The following SENP7 variants were observed in gnomAD, a reference collection of about 807,000 sequenced individuals.
The protein encoded by SENP7 is SUMO specific peptidase 7, also known as sentrin-specific protease 7.
In SENP7, 64 loss-of-function variants were observed where a neutral mutation model predicts 141.2. The ratio of observed to expected loss-of-function variants is 0.45; its 90% confidence interval spans 0.37 to 0.56. The LOEUF is 0.56. Among genes scored for constraint, SENP7 ranks in the 20% least tolerant of loss-of-function variants. The pLI is 0.00. For missense variants in SENP7, 1,025 were observed against 1,212.2 expected, an observed-to-expected ratio of 0.85 and a Z score of 2.29; for synonymous variants, 382 against 426.4, an observed-to-expected ratio of 0.90 and a Z score of 1.28.
chr3:101,483,093 G>A (rs2064566071), intron 3 of SENP7, among the ~76,000 whole-genome samples: 2 of 152,146 alleles, frequency 1.3e-5, no homozygotes, highest in Admixed American at 1.3e-4. Context: ...CCATTACTGA[G>A]TATATGTCCA....
chr3:101,414,415 T>G, intron 5 of SENP7: 2 of 1,117,342 alleles, frequency 1.8e-6, no homozygotes, highest in East Asian at 4.7e-5. Context: ...AGCCCAGGCT[T>G]TGGTCACCAG....
At chr3:101,498,780 C>T (rs897552832) in intron 2 of SENP7, among the ~76,000 whole-genome samples, 1 of 152,274 alleles carries the variant, frequency 6.6e-6, no homozygotes, top group Admixed American at 6.5e-5. Flanking sequence ...ACTACCCCTC[C>T]TGTCAGATCA....
At chr3:101,420,873 G>A (rs1021896697) in intron 4 of SENP7, among the ~76,000 whole-genome samples, 17 of 152,120 alleles carry the variant, frequency 1.1e-4, no homozygotes, top group Admixed American at 1.1e-3. Context: ...AAAGGGCAGA[G>A]CAGGTGGGAA....
At chr3:101,506,462 T>C (rs2065614010) in intron 1 of SENP7, among the ~76,000 whole-genome samples, 1 of 152,188 alleles carries the variant, frequency 6.6e-6, no homozygotes, top group African/African-American at 2.4e-5. Flanking sequence ...ATTTGAGGAA[T>C]CCAAATAACT....
intron 19 of SENP7, among the ~76,000 whole-genome samples, chr3:101,330,950 G>A (rs186076535): frequency 8.2e-4 from 124 of 152,090 alleles, no homozygotes; most frequent in African/African-American, 2.2e-3. Context: ...ATTTACTTTA[G>A]ATTTTGGCTT....
Position 101,367,927 on chromosome 3 carries a change from T to C in SENP7, c.881A>G (p.Glu294Gly). Residue 294 changes from glutamate (E) to glycine (G), a missense_variant, in exon 8 of 24, where the codon GAA (glutamate) becomes GGA (glycine). Around this residue, in one of 4 missense-constraint regions of SENP7, gnomAD observed 496 missense variants for 503.5 expected, o/e 0.99. Coordinates refer to ENST00000394095, the MANE Select transcript of SENP7 (RefSeq NM_020654.5). ...TGTCTTCCTGGAAATCAGAGTGAGTTCCACTTTTGAATCAGAATATTTAAC... is the reference window on the plus strand; with the variant it reads ...TGTCTTCCTGGAAATCAGAGTGAGTCCCACTTTTGAATCAGAATATTTAAC... ...KDVKYSDSKV[E>G]LTLISRKTKR... 4.3e-6 allele frequency: 7 copies of C among 1,612,388 alleles called. No homozygotes were observed. The highest frequency in any genetic ancestry group is 5.9e-6 in the Non-Finnish European group (7 of 1,178,696).
chr3:101,445,191 C>T lies in SENP7; in HGVS notation c.284+13764G>A, dbSNP rs370675818. Reference sequence around the variant, plus strand: ...AGAGAATGGGATGATATCTTCAAAGCGCTGAAATAAAGAGCTACCAGCCAA... The same window carrying T: ...AGAGAATGGGATGATATCTTCAAAGTGCTGAAATAAAGAGCTACCAGCCAA... On this transcript the variant is annotated intron_variant, in intron 4 of 23. Coordinates refer to ENST00000394095, the MANE Select transcript of SENP7 (RefSeq NM_020654.5). Among the ~76,000 whole-genome samples the T allele has an allele frequency of 3.4e-4, 52 of 152,114 alleles. 1 individual carries two copies. The South Asian group carries it at 1.0e-2, about 29-fold the overall frequency.
intron 3 of SENP7, among the ~76,000 whole-genome samples, chr3:101,478,268 A>AGG (rs529958073): frequency 4.7e-4 from 72 of 152,280 alleles, no homozygotes; most frequent in Non-Finnish European, 8.2e-4. Context: ...CTGCAATCCC[A>AGG]GCGCTTTGAA....
intron 3 of SENP7, among the ~76,000 whole-genome samples, chr3:101,460,636 T>A (rs533381764): frequency 6.6e-6 from 1 of 152,262 alleles, no homozygotes; most frequent in African/African-American, 2.4e-5. Flanking sequence ...ATGACTTGTA[T>A]TTGGCAATGA....
At chr3:101,473,262 G>C (rs1159529724) in intron 3 of SENP7, among the ~76,000 whole-genome samples, 1 of 152,218 alleles carries the variant, frequency 6.6e-6, no homozygotes, top group African/African-American at 2.4e-5. Flanking sequence ...TAATGGGACT[G>C]CTGGAGTGAA....
intron 4 of SENP7, among the ~76,000 whole-genome samples, chr3:101,425,925 A>T (rs1237633544): frequency 2.6e-5 from 4 of 152,202 alleles, no homozygotes; most frequent in African/African-American, 2.4e-5. Context: ...CTGAAGACTG[A>T]CTTTCTGAAA....
At chr3:101,477,770 G>A (rs2064279740) in intron 3 of SENP7, among the ~76,000 whole-genome samples, 2 of 151,804 alleles carry the variant, frequency 1.3e-5, no homozygotes, top group South Asian at 4.2e-4. Context: ...AGAATCACTT[G>A]AACCTGGGAG....
intron 17 of SENP7, chr3:101,333,229 T>C (rs979366938): frequency 2.1e-5 from 4 of 186,346 alleles, no homozygotes; most frequent in Non-Finnish European, 4.4e-5. Flanking sequence ...CCAACTGTTA[T>C]ATCTGTCATT....
At chr3:101,386,562 A>G (rs111778595) in intron 6 of SENP7, among the ~76,000 whole-genome samples, 2,080 of 152,274 alleles carry the variant, frequency 0.014, 48 homozygotes, top group African/African-American at 0.047. Flanking sequence ...ACATCCCTGA[A>G]GGCCTGCTAA....
At position 101,457,769 on chromosome 3, in the gene SENP7, T is replaced by C. The variant is rs867496504; in HGVS notation, c.284+1186A>G. ...TAAGGGGCCATGCAGAGAACTAGGGTTGGTGCTAAGAGGGTCCTGGGTGGA... is the reference window on the plus strand; with the variant it reads ...TAAGGGGCCATGCAGAGAACTAGGGCTGGTGCTAAGAGGGTCCTGGGTGGA... On this transcript the variant is annotated intron_variant, in intron 4 of 23. Transcript: ENST00000394095. The C allele has an allele frequency of 3.6e-5, 25 of 701,672 alleles. No homozygotes were observed. The Middle Eastern group carries it at 1.2e-3, about 34-fold the overall frequency. The allele number at this position is 701,672 out of a possible 1,614,324, so 43.5% of individuals were successfully genotyped here.
intron 4 of SENP7, 75 bp downstream of exon 4, chr3:101,458,880 A>G: frequency 1.2e-6 from 1 of 862,754 alleles, no homozygotes; most frequent in Non-Finnish European, 1.8e-6. Flanking sequence ...TTGAGAACCA[A>G]CAAGCTTAAA....
intron 3 of SENP7, among the ~76,000 whole-genome samples, chr3:101,492,340 A>T (rs1294200085): frequency 6.6e-6 from 1 of 152,036 alleles, no homozygotes; most frequent in Non-Finnish European, 1.5e-5. Flanking sequence ...GTGCCAGTGC[A>T]CTCCAGCCTG....
intron 3 of SENP7, among the ~76,000 whole-genome samples, chr3:101,470,173 A>T (rs972720476): frequency 6.6e-6 from 1 of 152,202 alleles, no homozygotes; most frequent in South Asian, 2.1e-4. Context: ...AGAACTACAG[A>T]AGGAAGAGCA....
At position 101,417,723 on chromosome 3, in the gene SENP7, G is replaced by A; in HGVS notation, c.352C>T (p.Pro118Ser). The part of the protein sequence containing the change: ...DLGRKFRKTL[P>S]RNDANLCDAN... ...TCACATAAATTAGCATCGTTTCTAG[G>A]TAGGGTCTTTCTGAATTTTCGTCCT... is the stretch of plus-strand genomic sequence containing the variant. The change falls in exon 5 of 24, where the codon CCT (proline) becomes TCT (serine). Residue 118 changes from proline (P) to serine (S), a missense_variant. By Grantham distance (74) the Pro-to-Ser change is moderately conservative. Transcript: ENST00000394095. 3.7e-6 allele frequency: 6 copies of A among 1,613,956 alleles called. No homozygotes were observed. In the South Asian group the frequency reaches 4.4e-5, roughly 12 times the overall value.
Sources: allele counts gnomAD v4.1 joint callset (sites outside exome capture counted in the v4.1 genomes callset), GRCh38; gene constraint gnomAD v4.1.1; regional missense constraint gnomAD v4.1.1; transcripts MANE v1.5; gene names NCBI Gene and HGNC (gene_info 2026-07-23, HGNC 2026-07-21).